Variants in DNAAF4 observed in about 807,000 individuals in gnomAD.
DNAAF4 encodes the protein dynein axonemal assembly factor 4, also known as dynein assembly factor 4, axonemal.
DNAAF4 carries 43 observed loss-of-function variants against 51.8 expected under a neutral mutation model. That is an observed-to-expected ratio of 0.83 (90% CI 0.65 to 1.07). The LOEUF (loss-of-function observed/expected upper bound fraction) is 1.07, where lower values mean the gene tolerates loss of function less well. Ranked by LOEUF, DNAAF4 falls within the 50% of genes least tolerant of loss-of-function variation. DNAAF4 has a pLI of 0.00. For synonymous variants in DNAAF4, 194 were observed against 165.6 expected, an observed-to-expected ratio of 1.17 and a Z score of -1.32; for missense variants, 581 against 493.0, an observed-to-expected ratio of 1.18 and a Z score of -1.69.
At chr15:55,449,696 CT>C (rs368060926) in intron 6 of DNAAF4, among the ~76,000 whole-genome samples, 60 of 91,740 alleles carry the variant, frequency 6.5e-4, no homozygotes, top group African/African-American at 2.5e-3. Flanking sequence ...AAAAAGACCG[CT>C]TTTTTTTTTT....
chr15:55,482,101 C>T (rs1355266764), intron 4 of DNAAF4, among the ~76,000 whole-genome samples: 5 of 152,216 alleles, frequency 3.3e-5, no homozygotes, highest in African/African-American at 1.2e-4. Context: ...TAAACCTGCA[C>T]TTTCGTTGTT....
chr15:55,505,835 G>A (rs920980106), intron 1 of DNAAF4, among the ~76,000 whole-genome samples: 1 of 152,178 alleles, frequency 6.6e-6, no homozygotes, highest in Non-Finnish European at 1.5e-5. Flanking sequence ...GTTGATGGGT[G>A]CAGCAAACCA....
chr15:55,490,773 G>C (rs1297943661), intron 4 of DNAAF4, among the ~76,000 whole-genome samples: 1 of 152,084 alleles, frequency 6.6e-6, no homozygotes, highest in East Asian at 1.9e-4. Flanking sequence ...CTAACACGGT[G>C]AAACCCTGTC....
At chr15:55,506,696 A>C (rs939394637) in intron 1 of DNAAF4, among the ~76,000 whole-genome samples, 2 of 152,182 alleles carry the variant, frequency 1.3e-5, no homozygotes, top group Non-Finnish European at 2.9e-5. Flanking sequence ...AAAATAAGCC[A>C]AATGTCTTTC....
At chr15:55,431,706 C>T (rs1274064158) in intron 9 of DNAAF4, among the ~76,000 whole-genome samples, 1 of 151,990 alleles carries the variant, frequency 6.6e-6, no homozygotes, top group African/African-American at 2.4e-5. Flanking sequence ...TCTTGATCTC[C>T]TGACCTTGTG....
chr15:55,445,392 G>C (rs952602790), intron 6 of DNAAF4, among the ~76,000 whole-genome samples: 6 of 152,118 alleles, frequency 3.9e-5, no homozygotes, highest in Non-Finnish European at 8.8e-5. Context: ...CCATGCAGAA[G>C]AATTTTTCTT....
chr15:55,466,062 A>C (rs962645374), intron 5 of DNAAF4, among the ~76,000 whole-genome samples: 8 of 152,130 alleles, frequency 5.3e-5, no homozygotes, highest in Non-Finnish European at 1.0e-4. Context: ...ATGTAACCAA[A>C]CACCACCTGT....
rs72198850 is a variant in DNAAF4 at position 55,421,899 on chromosome 15, TATAATAATAATAATAATAATAATA to T, written c.1048-3790_1048-3767del. Among the ~76,000 whole-genome samples, 33 of 139,666 alleles carry T rather than the reference TATAATAATAATAATAATAATAATA, an allele frequency of 2.4e-4. 1 individual carries two copies. Among genetic ancestry groups the T allele is most frequent in the African/African-American group, 8.4e-4 (32 of 38,184 alleles). The allele number at this position is 139,666 out of a possible 152,430, so 91.6% of individuals were successfully genotyped here. A position where few individuals can be genotyped will look rare whatever the true frequency, so the allele number is the denominator to read the frequency against. ...AGGGAAACTCCGTCTCAAAAAAATG[TATAATAATAATAATAATAATAATA>T]ATAATAATAATAATAATAATAAAGG... On this transcript the variant is annotated intron_variant, in intron 7 of 7. Coordinates refer to the DNAAF4 transcript ENST00000448430.
At position 55,500,364 on chromosome 15, in the gene DNAAF4, T is replaced by G. The variant is rs147926692; in HGVS notation, c.-255-1780A>C. On this transcript the variant is annotated intron_variant, in intron 1 of 9. Transcript: ENST00000321149. The stretch of plus-strand genomic sequence containing the variant: ...GAAACCCACGAATCCCATGGACTTT[T>G]TTAAAAAAATTTCTTTTGTCATTTT... Among the ~76,000 whole-genome samples, 211 of 151,122 alleles carry G rather than the reference T, an allele frequency of 1.4e-3. 2 individuals carry two copies. Among genetic ancestry groups the G allele is most frequent in the African/African-American group, 5.0e-3 (202 of 40,420 alleles).
intron 7 of DNAAF4, chr15:55,418,639 A>G (rs2057359409): frequency 1.9e-6 from 2 of 1,043,854 alleles, no homozygotes; most frequent in East Asian, 2.6e-5. Context: ...CTAAGGGTAG[A>G]ATACCTAATA....
chr15:55,475,727 A>C (rs569241173), intron 4 of DNAAF4, among the ~76,000 whole-genome samples: 1 of 152,326 alleles, frequency 6.6e-6, no homozygotes, highest in Admixed American at 6.5e-5. Flanking sequence ...TACCAACATG[A>C]AACTACCAAA....
intron 7 of DNAAF4, among the ~76,000 whole-genome samples, chr15:55,420,681 C>T (rs572125467): frequency 1.3e-5 from 2 of 152,260 alleles, no homozygotes; most frequent in Admixed American, 6.5e-5. Flanking sequence ...AATAGTGGGG[C>T]ACTGCACAAG....
chr15:55,488,215 A>C (rs1485788475), intron 4 of DNAAF4, among the ~76,000 whole-genome samples: 1 of 152,010 alleles, frequency 6.6e-6, no homozygotes, highest in Non-Finnish European at 1.5e-5. Flanking sequence ...GATCTATGAG[A>C]AAATAAATTT....
At chr15:55,419,867 C>T (rs957999496) in intron 7 of DNAAF4, among the ~76,000 whole-genome samples, 3 of 151,794 alleles carry the variant, frequency 2.0e-5, no homozygotes, top group Non-Finnish European at 4.4e-5. Flanking sequence ...CTGGGCATGG[C>T]GGCGGGTGCC....
intron 4 of DNAAF4, among the ~76,000 whole-genome samples, chr15:55,475,036 AT>A (rs202102026): frequency 0.032 from 4,903 of 152,246 alleles, 120 homozygotes; most frequent in Non-Finnish European, 0.043. Context: ...GTGTTAAATA[AT>A]TTTGCTGAGA....
intron 3 of DNAAF4, among the ~76,000 whole-genome samples, chr15:55,497,148 A>C (rs2058651472): frequency 6.6e-6 from 1 of 152,122 alleles, no homozygotes; most frequent in Non-Finnish European, 1.5e-5. Context: ...TAAACTCTCA[A>C]ATCTCACCGC....
chr15:55,500,141 C>T (rs144791174), intron 1 of DNAAF4, among the ~76,000 whole-genome samples: 1 of 152,000 alleles, frequency 6.6e-6, no homozygotes, highest in African/African-American at 2.4e-5. Flanking sequence ...CTTTTGGAAG[C>T]CTTTCTTTCA....
At chr15:55,423,258 A>G (rs1386097373) in intron 7 of DNAAF4, among the ~76,000 whole-genome samples, 2 of 151,648 alleles carry the variant, frequency 1.3e-5, no homozygotes, top group African/African-American at 4.8e-5. Context: ...CTGGAGCGCA[A>G]TGACACAAGC....
intron 4 of DNAAF4, among the ~76,000 whole-genome samples, chr15:55,467,676 AC>A (rs757017313): frequency 1.3e-5 from 2 of 152,084 alleles, no homozygotes; most frequent in Non-Finnish European, 2.9e-5. Flanking sequence ...GGAAGAGGGA[AC>A]AGTAGAAAAG....
Sources: allele counts gnomAD v4.1 joint callset (sites outside exome capture counted in the v4.1 genomes callset), GRCh38; gene constraint gnomAD v4.1.1; transcripts MANE v1.5; gene names NCBI Gene and HGNC (gene_info 2026-07-23, HGNC 2026-07-21).